The following VPS53 variants were observed in gnomAD, a reference collection of about 807,000 sequenced individuals.
VPS53 encodes vacuolar protein sorting-associated protein 53 homolog.
Under a neutral mutation model 107.0 loss-of-function variants are expected in VPS53, and 70 were observed. That is an observed-to-expected ratio of 0.65 (90% CI 0.54 to 0.80). VPS53 has a LOEUF of 0.80. Among genes scored for constraint, VPS53 ranks in the 30% least tolerant of loss-of-function variants. The pLI, the probability that VPS53 is intolerant of heterozygous loss-of-function variation, is 0.00. For synonymous variants in VPS53, 409 were observed against 393.3 expected, an observed-to-expected ratio of 1.04 and a Z score of -0.47; for missense variants, 917 against 1,049.4, an observed-to-expected ratio of 0.87 and a Z score of 1.74.
rs1968338794 is a variant in VPS53 at position 601,810 on chromosome 17, T to C, written c.1203A>G (p.Lys401=). ...CCAGACTTACTTGATCTAAATCTCC[T>C]TTCTCCGTTGCCAGTTCCTCCATCT... ...TPEMEELATE[K]GDLDQPKKPK... is the part of the protein sequence containing the mutation. The change falls in exon 12 of 22, where the codon AAA becomes AAG. Residue 401 remains lysine (K), a synonymous_variant. Coordinates refer to ENST00000437048, the MANE Select transcript of VPS53 (RefSeq NM_001128159.3). 6.2e-7 allele frequency: 1 copy of C among 1,603,928 alleles called. No homozygotes were observed.
chr17:714,575 C>T (rs1973776785), intron 1 of VPS53, 48 bp downstream of exon 1: 1 of 1,558,544 alleles, frequency 6.4e-7, no homozygotes. Flanking sequence ...GAGCTGCCGT[C>T]TCCCCTCCCG....
chr17:610,654 G>A lies in VPS53; in HGVS notation c.1117-8758C>T, dbSNP rs888457513. On this transcript the variant is annotated intron_variant, in intron 11 of 21. Coordinates refer to ENST00000437048, the MANE Select transcript of VPS53 (RefSeq NM_001128159.3). Reference sequence around the variant, plus strand: ...ATAAAGCCTGGGCATGGTGGCTCACGCCTATAATCCCAGCACTATGAGAGG... The same window carrying A: ...ATAAAGCCTGGGCATGGTGGCTCACACCTATAATCCCAGCACTATGAGAGG... 5.3e-5 allele frequency among the ~76,000 whole-genome samples: 8 copies of A among 151,374 alleles called. No homozygotes were observed. In the East Asian group the frequency reaches 1.2e-3, roughly 22 times the overall value.
chr17:665,911 G>A (rs903075229), intron 4 of VPS53, among the ~76,000 whole-genome samples: 4 of 152,164 alleles, frequency 2.6e-5, no homozygotes, highest in Non-Finnish European at 1.5e-5. Context: ...GGCTGAGGCA[G>A]GAGAATCACT....
intron 4 of VPS53, among the ~76,000 whole-genome samples, chr17:692,817 AT>A (rs1390164985): frequency 6.6e-6 from 1 of 152,160 alleles, no homozygotes; most frequent in Non-Finnish European, 1.5e-5. Flanking sequence ...CCTGACCAAC[AT>A]GGTGAAACCC....
At chr17:605,888 T>C (rs1051178277) in intron 11 of VPS53, among the ~76,000 whole-genome samples, 9 of 152,008 alleles carry the variant, frequency 5.9e-5, no homozygotes, top group African/African-American at 1.9e-4. Flanking sequence ...TTCTTCTCAC[T>C]GCAATTGGGC....
In VPS53 at chr17:599,777, AAAAAC is replaced by A. The variant is rs1162241990; in HGVS notation, c.1218+2013_1218+2017del. 4.0e-3 allele frequency among the ~76,000 whole-genome samples: 311 copies of A among 78,048 alleles called. 10 individuals carry two copies. In the East Asian group the frequency reaches 0.24, roughly 59 times the overall value. The allele number at this position is 78,048 out of a possible 152,430, so 51.2% of individuals were successfully genotyped here. A position where few individuals can be genotyped will look rare whatever the true frequency, so the allele number is the denominator to read the frequency against. ...AAATAAATAAATTAAAAAAAAAAAC[AAAAAC>A]AAAATGACTTGCGATAAAACTGCTC... On this transcript the variant is annotated intron_variant, in intron 12 of 21. Coordinates refer to ENST00000437048, the MANE Select transcript of VPS53 (RefSeq NM_001128159.3).
chr17:519,092 G>T lies in VPS53; in HGVS notation c.*36C>A. ...GGGCTTCTGGGGAACGGGCGCTGAG[G>T]GTCTCCAGCCAGGAGCAAAGGGCCC... On this transcript the variant is annotated 3_prime_UTR_variant, in exon 22 of 22. Transcript: ENST00000437048. The surrounding 1 kb of genome is among the most constrained non-coding windows in gnomAD (Gnocchi z 5.0). 6.8e-7 allele frequency: 1 copy of T among 1,468,184 alleles called. No individual in the cohort carries two copies. The highest frequency in any genetic ancestry group is 1.4e-5 in the African/African-American group (1 of 70,250). The allele number at this position is 1,468,184 out of a possible 1,614,324, so 90.9% of individuals were successfully genotyped here. A position where few individuals can be genotyped will look rare whatever the true frequency, so the allele number is the denominator to read the frequency against.
intron 11 of VPS53, among the ~76,000 whole-genome samples, chr17:612,223 T>C (rs1177395234): frequency 2.2e-4 from 30 of 138,042 alleles, no homozygotes; most frequent in African/African-American, 7.2e-4. Flanking sequence ...AGTATTCAAA[T>C]AGTGAATTCA....
chr17:562,677 G>T lies in VPS53; in HGVS notation c.1382C>A (p.Thr461Asn), dbSNP rs758400183. 1 of 1,613,634 alleles carries T rather than the reference G, an allele frequency of 6.2e-7. No individual in the cohort carries two copies. Among genetic ancestry groups the T allele is most frequent in the East Asian group, 2.2e-5 (1 of 44,852 alleles). ...GGGGAGCACGGCACCCCCTTCATCA[G>T]TGTTGGGCTTAGGTGGCCCCTGGGC... is the stretch of plus-strand genomic sequence containing the variant. ...FKAQGPPKPN[T>N]DEGGAVLPSC... The change falls in exon 14 of 22, where the codon ACT becomes AAT. Residue 461 changes from threonine to asparagine, a missense_variant. Coordinates refer to ENST00000437048, the MANE Select transcript of VPS53 (RefSeq NM_001128159.3).
At chr17:542,460 GT>G (rs1910772567) in intron 17 of VPS53, among the ~76,000 whole-genome samples, 1 of 152,130 alleles carries the variant, frequency 6.6e-6, no homozygotes, top group African/African-American at 2.4e-5. Flanking sequence ...TGGGATGATG[GT>G]AACATCTATA....
intron 15 of VPS53, among the ~76,000 whole-genome samples, chr17:554,437 C>G (rs1912151197): frequency 6.6e-6 from 1 of 152,142 alleles, no homozygotes; most frequent in South Asian, 2.1e-4. Flanking sequence ...GAGTTTCACT[C>G]TTGTTGCCCA....
At chr17:695,330 A>T (rs1470827268) in intron 4 of VPS53, among the ~76,000 whole-genome samples, 1 of 152,194 alleles carries the variant, frequency 6.6e-6, no homozygotes, top group Non-Finnish European at 1.5e-5. Context: ...CATCGTCAAG[A>T]AACTAGTATC....
At chr17:685,884 C>A (rs1368741563) in intron 4 of VPS53, among the ~76,000 whole-genome samples, 2 of 152,098 alleles carry the variant, frequency 1.3e-5, no homozygotes, top group African/African-American at 4.8e-5. Flanking sequence ...TGGTGACATG[C>A]ACTTGTAGTC....
rs67948585 is a variant in VPS53 at position 696,791 on chromosome 17, CTT to C, written c.285+625_285+626del. Among the ~76,000 whole-genome samples the C allele has an allele frequency of 6.2e-3, 710 of 113,748 alleles. 9 individuals are homozygous for C. Among genetic ancestry groups the C allele is most frequent in the East Asian group, 0.056 (225 of 4,002 alleles). The allele number at this position is 113,748 out of a possible 152,430, so 74.6% of individuals were successfully genotyped here. A position where few individuals can be genotyped will look rare whatever the true frequency, so the allele number is the denominator to read the frequency against. Reference sequence around the variant, plus strand: ...ACTAGATCCAATAAGACTTATAAAACTTTTTTTTTTTTTTTTTTTTGAGACAG... The same window carrying C: ...ACTAGATCCAATAAGACTTATAAAACTTTTTTTTTTTTTTTTTTGAGACAG... On this transcript the variant is annotated intron_variant, in intron 4 of 21. Transcript: ENST00000437048.
At chr17:656,908 G>A in intron 5 of VPS53, 2 of 1,451,618 alleles carry the variant, frequency 1.4e-6, no homozygotes, top group South Asian at 2.3e-5. Flanking sequence ...TGCCAATAGT[G>A]AAAATGTTGG....
At chr17:633,765 T>C (rs1970063694) in intron 7 of VPS53, among the ~76,000 whole-genome samples, 1 of 152,192 alleles carries the variant, frequency 6.6e-6, no homozygotes. Context: ...CGTCTAGAGC[T>C]GTCCAGCAGA....
intron 10 of VPS53, among the ~76,000 whole-genome samples, chr17:625,915 T>C (rs1969689604): frequency 6.6e-6 from 1 of 152,162 alleles, no homozygotes; most frequent in Non-Finnish European, 1.5e-5. Flanking sequence ...TCTAACTGTG[T>C]ACTACTGGGA....
chr17:686,485 C>T (rs534978072), intron 4 of VPS53, among the ~76,000 whole-genome samples: 134 of 152,324 alleles, frequency 8.8e-4, no homozygotes, highest in Non-Finnish European at 1.5e-3. Flanking sequence ...AGGCAAACAT[C>T]TAATGGAGGT....
chr17:714,665 G>A lies in VPS53; in HGVS notation c.45C>T (p.Ala15=). 6 of 1,612,934 alleles carry A rather than the reference G, an allele frequency of 3.7e-6. No homozygotes were observed. The South Asian group carries it at 5.5e-5, about 15-fold the overall frequency. Residue 15 remains alanine, a synonymous_variant, in exon 1 of 22, where the codon GCC becomes GCT. Coordinates refer to ENST00000437048, the MANE Select transcript of VPS53 (RefSeq NM_001128159.3). ...EELEFVEELE[A]VLQLTPEVQL... ...GCACCTCGGGCGTGAGCTGCAGCAC[G>A]GCTTCCAGCTCCTCCACGAACTCCA...
Sources: gnomAD v4.1 joint callset for allele counts (sites outside exome capture counted in the v4.1 genomes callset) on GRCh38, gnomAD v4.1.1 for gene constraint, Gnocchi (gnomAD v3.1) non-coding constraint, MANE v1.5 for transcripts, NCBI Gene and HGNC (gene_info 2026-07-23, HGNC 2026-07-21) for gene names.